The following FBXO16 variants were observed in gnomAD, a reference collection of about 807,000 sequenced individuals.
FBXO16 encodes F-box protein 16.
A neutral mutation model predicts 41.0 loss-of-function variants in FBXO16; 31 were observed. That is an observed-to-expected ratio of 0.76 (90% CI 0.57 to 1.02). The LOEUF (loss-of-function observed/expected upper bound fraction) is 1.02, where lower values mean the gene tolerates loss of function less well. FBXO16 is among the 50% of genes least tolerant of loss of function. FBXO16 has a pLI of 0.00. For missense variants in FBXO16, 361 were observed against 346.2 expected, an observed-to-expected ratio of 1.04 and a Z score of -0.34; for synonymous variants, 133 against 117.8, an observed-to-expected ratio of 1.13 and a Z score of -0.84.
chr8:28,454,626 G>A (rs1803008128), intron 5 of FBXO16, among the ~76,000 whole-genome samples: 1 of 150,730 alleles, frequency 6.6e-6, no homozygotes, highest in Non-Finnish European at 1.5e-5. Context: ...TACTCAGGAG[G>A]CTGAGGAAGG....
chr8:28,471,819 A>G (rs945366998), intron 3 of FBXO16, among the ~76,000 whole-genome samples: 1 of 150,188 alleles, frequency 6.7e-6, no homozygotes, highest in Non-Finnish European at 1.5e-5. Context: ...AAAAAAAAAA[A>G]AAAAAAAAAA....
chr8:28,472,345 C>T (rs1422217168), intron 3 of FBXO16, among the ~76,000 whole-genome samples: 1 of 152,212 alleles, frequency 6.6e-6, no homozygotes, highest in Non-Finnish European at 1.5e-5. Context: ...AAGCTCTCCT[C>T]CTCCCTCAGC....
intron 1 of FBXO16, among the ~76,000 whole-genome samples, chr8:28,488,112 A>G (rs1803631859): frequency 6.6e-6 from 1 of 152,006 alleles, no homozygotes; most frequent in Admixed American, 6.5e-5. Flanking sequence ...CGGCCTCCCA[A>G]AGTGCTGGGA....
chr8:28,479,053 C>T (rs1049848752), intron 2 of FBXO16, among the ~76,000 whole-genome samples: 2 of 152,094 alleles, frequency 1.3e-5, no homozygotes, highest in Admixed American at 6.6e-5. Context: ...TTGCCCTCTG[C>T]CACGATGGAA....
At chr8:28,472,883 T>C (rs1334872287) in intron 3 of FBXO16, among the ~76,000 whole-genome samples, 2 of 152,222 alleles carry the variant, frequency 1.3e-5, no homozygotes, top group African/African-American at 4.8e-5. Context: ...TTGGTTGCTG[T>C]TCCTATCAGG....
At chr8:28,435,817 C>T (rs1367388113) in intron 7 of FBXO16, among the ~76,000 whole-genome samples, 1 of 152,088 alleles carries the variant, frequency 6.6e-6, no homozygotes, top group African/African-American at 2.4e-5. Context: ...TGACTTGTAG[C>T]GTGGCTTTCA....
At chr8:28,469,841 C>T (rs1803303151) in intron 3 of FBXO16, among the ~76,000 whole-genome samples, 1 of 151,992 alleles carries the variant, frequency 6.6e-6, no homozygotes, top group Non-Finnish European at 1.5e-5. Flanking sequence ...GCGGAGGTTG[C>T]AGTGAGCCGA....
intron 3 of FBXO16, among the ~76,000 whole-genome samples, chr8:28,467,330 G>C (rs767888053): frequency 6.6e-6 from 1 of 152,036 alleles, no homozygotes; most frequent in Non-Finnish European, 1.5e-5. Flanking sequence ...GGTGGGCTTA[G>C]GAATAAGACA....
intron 4 of FBXO16, among the ~76,000 whole-genome samples, chr8:28,459,545 G>T (rs1001638941): frequency 2.0e-5 from 3 of 150,984 alleles, no homozygotes; most frequent in African/African-American, 4.9e-5. Context: ...TTGAACCCGG[G>T]GTGGGCGGAG....
intron 6 of FBXO16, 94 bp downstream of exon 6, chr8:28,452,150 C>A: frequency 8.2e-7 from 1 of 1,216,078 alleles, no homozygotes; most frequent in Non-Finnish European, 1.1e-6. Context: ...TTTTGTATTT[C>A]ACAGTAAGTT....
At chr8:28,449,145 C>T (rs768834207) in intron 6 of FBXO16, 8 of 151,820 alleles carry the variant, frequency 5.3e-5, no homozygotes, top group Non-Finnish European at 7.4e-5. Flanking sequence ...TGCATGTGGG[C>T]GGTGCAATCC....
chr8:28,477,995 A>G (rs369758882), intron 2 of FBXO16, among the ~76,000 whole-genome samples: 2 of 152,294 alleles, frequency 1.3e-5, no homozygotes, highest in East Asian at 3.9e-4. Flanking sequence ...CCTGGGTGAC[A>G]GAGTGAGATC....
chr8:28,434,809 GC>G (rs1802663162), intron 7 of FBXO16, among the ~76,000 whole-genome samples: 1 of 152,236 alleles, frequency 6.6e-6, no homozygotes, highest in African/African-American at 2.4e-5. Context: ...GACCCAGTCG[GC>G]CGCTCTAAGC....
chr8:28,449,141 TG>T, intron 6 of FBXO16: 1 of 152,084 alleles, frequency 6.6e-6, no homozygotes, highest in East Asian at 1.9e-4. Context: ...AAGATGCATG[TG>T]GGCGGTGCAA....
intron 7 of FBXO16, among the ~76,000 whole-genome samples, chr8:28,441,945 T>TGTGTGTG: frequency 8.8e-6 from 1 of 113,600 alleles, no homozygotes; most frequent in African/African-American, 4.9e-5. Context: ...TGTGTGTGTG[T>TGTGTGTG]ATTTTTTTTT....
chr8:28,449,311 A>G (rs1160866838), intron 6 of FBXO16, among the ~76,000 whole-genome samples: 1 of 144,378 alleles, frequency 6.9e-6, no homozygotes, highest in Non-Finnish European at 1.5e-5. Flanking sequence ...CAATATGTAG[A>G]CTTCTTTTTT....
At chr8:28,438,430 G>C (rs1802716557) in intron 7 of FBXO16, among the ~76,000 whole-genome samples, 1 of 152,214 alleles carries the variant, frequency 6.6e-6, no homozygotes, top group Non-Finnish European at 1.5e-5. Context: ...GGAGACTCTT[G>C]TTCTATGGGC....
chr8:28,466,705 G>A (rs1388178487), intron 3 of FBXO16, among the ~76,000 whole-genome samples: 1 of 152,038 alleles, frequency 6.6e-6, no homozygotes. Flanking sequence ...TGAAGCAGAA[G>A]AATGGCGATA....
chr8:28,467,347 T>A (rs923752147), intron 3 of FBXO16, among the ~76,000 whole-genome samples: 8 of 152,206 alleles, frequency 5.3e-5, no homozygotes, highest in Non-Finnish European at 7.3e-5. Context: ...GACAATTTGA[T>A]GTCTCACTCC....
Sources: gnomAD v4.1 joint callset for allele counts (sites outside exome capture counted in the v4.1 genomes callset) on GRCh38, gnomAD v4.1.1 for gene constraint, MANE v1.5 for transcripts, NCBI Gene and HGNC (gene_info 2026-07-23, HGNC 2026-07-21) for gene names.